Variants in LYSMD3 observed in about 807,000 individuals in gnomAD.
LYSMD3 encodes lysM and putative peptidoglycan-binding domain-containing protein 3.
LYSMD3 carries 13 observed loss-of-function variants against 26.1 expected under a neutral mutation model. The ratio of observed to expected loss-of-function variants is 0.50; its 90% CI spans 0.32 to 0.79. The LOEUF (loss-of-function observed/expected upper bound fraction) is 0.79, where lower values mean the gene tolerates loss of function less well. Among genes scored for constraint, LYSMD3 ranks in the 30% least tolerant of loss-of-function variants. The pLI, the probability that LYSMD3 is intolerant of heterozygous loss-of-function variation, is 0.03. For synonymous variants in LYSMD3, 109 were observed against 119.4 expected (o/e 0.91, Z 0.57); for missense variants, 331 against 362.5 (o/e 0.91, Z 0.71).
rs777183250 is a variant in LYSMD3, at chr5:90,518,772, A to G, written c.*47T>C. 2 of 1,482,300 alleles carry G rather than the reference A, an allele frequency of 1.3e-6. No homozygotes were observed. The highest frequency in any genetic ancestry group is 2.3e-5 in the East Asian group (1 of 43,064). 91.8% of individuals were successfully genotyped at this position (1,482,300 alleles called of 1,614,324 possible). On this transcript the variant is annotated 3_prime_UTR_variant, in exon 3 of 3. Coordinates refer to ENST00000315948, the MANE Select transcript of LYSMD3 (RefSeq NM_198273.2). ...TTATTGGATATAACTGATTCACCACATTCCAGATGCACATGTGACCACTAA... is the reference window on the plus strand; with the variant it reads ...TTATTGGATATAACTGATTCACCACGTTCCAGATGCACATGTGACCACTAA...
chr5:90,519,955 G>A (rs1188487190), intron 2 of LYSMD3, among the ~76,000 whole-genome samples: 2 of 151,568 alleles, frequency 1.3e-5, no homozygotes, highest in East Asian at 3.9e-4. Context: ...ATTATTTTAT[G>A]TATATCTAGG....
In LYSMD3 at chr5:90,518,804, A is replaced by C. The variant is rs149579071; in HGVS notation, c.*15T>G. 3 of 1,601,324 alleles carry C rather than the reference A, an allele frequency of 1.9e-6. No individual in the cohort carries two copies. In the African/African-American group the frequency reaches 4.0e-5, roughly 21 times the overall value. ...ATGCACATGTGACCACTAACATTTGATTATGAGCTAATTGCTATGTTTCCT... is the reference window on the plus strand; with the variant it reads ...ATGCACATGTGACCACTAACATTTGCTTATGAGCTAATTGCTATGTTTCCT... On this transcript the variant is annotated 3_prime_UTR_variant, in exon 3 of 3. Transcript: ENST00000315948.
rs368020713 is a variant in LYSMD3 at position 90,519,237 on chromosome 5, A to C, written c.503T>G (p.Ile168Arg). Residue 168 changes from isoleucine (I) to arginine (R), a missense_variant, in exon 3 of 3, where the codon ATA (isoleucine) becomes AGA (arginine). By Grantham distance (97) the Ile-to-Arg change is moderately conservative. Coordinates refer to ENST00000315948, the MANE Select transcript of LYSMD3 (RefSeq NM_198273.2). Reference sequence around the variant, plus strand: ...GTCTGTACACTTTACTATTTGTTCTATGTCTCGGTCTACTTCTTTTAAAAA... The same window carrying C: ...GTCTGTACACTTTACTATTTGTTCTCTGTCTCGGTCTACTTCTTTTAAAAA... ...GSFLKEVDRD[I>R]EQIVKCTDNK... 5.6e-6 allele frequency: 9 copies of C among 1,613,890 alleles called. No homozygotes were observed. The highest frequency in any genetic ancestry group is 7.6e-6 in the Non-Finnish European group (9 of 1,179,964).
intron 1 of LYSMD3, among the ~76,000 whole-genome samples, chr5:90,525,506 G>A (rs1023368271): frequency 8.5e-5 from 13 of 152,144 alleles, no homozygotes; most frequent in African/African-American, 3.1e-4. Flanking sequence ...CTGGAGTGCA[G>A]TAGTGCGATC....
chr5:90,525,052 G>C lies in LYSMD3; in HGVS notation c.238C>G (p.Leu80Val). 1 of 1,606,946 alleles carries C rather than the reference G, an allele frequency of 6.2e-7. No homozygotes were observed. Residue 80 changes from leucine to valine, a missense_variant, in exon 2 of 3, where the codon CTT becomes GTT. Physicochemically the swap from Leu to Val is conservative, Grantham distance 32 (BLOSUM62 1). This residue lies in a region of LYSMD3 where 262 missense variants were observed against 267.3 expected (regional missense o/e 0.98). Transcript: ENST00000315948. ...QEGDTLNAIALQYCCTVADIK... is the reference protein window; with the variant it reads ...QEGDTLNAIAVQYCCTVADIK... ...AAACTTACCGTACAACAGTACTGAAGGGCTATTGCATTTAATGTATCTCCT... is the reference window on the plus strand; with the variant it reads ...AAACTTACCGTACAACAGTACTGAACGGCTATTGCATTTAATGTATCTCCT...
At chr5:90,521,079 G>A (rs1753078929) in intron 2 of LYSMD3, among the ~76,000 whole-genome samples, 1 of 152,134 alleles carries the variant, frequency 6.6e-6, no homozygotes, top group South Asian at 2.1e-4. Flanking sequence ...CGAATGGCCA[G>A]GAAGGGAATA....
intron 1 of LYSMD3, among the ~76,000 whole-genome samples, chr5:90,527,768 G>A (rs909053845): frequency 1.3e-5 from 2 of 152,048 alleles, no homozygotes; most frequent in Non-Finnish European, 2.9e-5. Context: ...TTCAGGTAAG[G>A]ACTACCCAAC....
At chr5:90,524,559 A>G (rs532428171) in intron 2 of LYSMD3, among the ~76,000 whole-genome samples, 1 of 152,384 alleles carries the variant, frequency 6.6e-6, no homozygotes, top group African/African-American at 2.4e-5. Flanking sequence ...AAATATTTAA[A>G]AAGTAAACAT....
At chr5:90,523,506 ATACTT>A (rs1328871418) in intron 2 of LYSMD3, among the ~76,000 whole-genome samples, 1 of 152,018 alleles carries the variant, frequency 6.6e-6, no homozygotes, top group African/African-American at 2.4e-5. Context: ...AAGTATAAAA[ATACTT>A]TACATCATGA....
rs911675160 is a variant in LYSMD3 at position 90,518,686 on chromosome 5, G to T, written c.*133C>A. 2.2e-6 allele frequency: 2 copies of T among 909,826 alleles called. No individual in the cohort carries two copies. The highest frequency in any genetic ancestry group is 3.2e-6 in the Non-Finnish European group (2 of 620,092). The allele number at this position is 909,826 out of a possible 1,614,324, so 56.4% of individuals were successfully genotyped here. On this transcript the variant is annotated 3_prime_UTR_variant, in exon 3 of 3. Coordinates refer to ENST00000315948, the MANE Select transcript of LYSMD3 (RefSeq NM_198273.2). ...GTTGCTCAAAAAATTTTCAAAGTGT[G>T]AAACCCTTTTGTTAAAAACAAAAGC...
In LYSMD3 at chr5:90,517,368, C is replaced by T. The variant is rs1311141251; in HGVS notation, c.*1451G>A. On this transcript the variant is annotated 3_prime_UTR_variant, in exon 3 of 3. Coordinates refer to ENST00000315948, the MANE Select transcript of LYSMD3 (RefSeq NM_198273.2). ...AAACATCAACAATTAGGAAATAATGCCCAGAAAATGAGGTGGTATTATATA... is the reference window on the plus strand; with the variant it reads ...AAACATCAACAATTAGGAAATAATGTCCAGAAAATGAGGTGGTATTATATA... 6.6e-6 allele frequency: 1 copy of T among 151,786 alleles called. No individual in the cohort carries two copies. The highest frequency in any genetic ancestry group is 2.4e-5 in the African/African-American group (1 of 41,352). 9.4% of individuals were successfully genotyped at this position (151,786 alleles called of 1,614,324 possible).
At chr5:90,524,033 A>G (rs1057253052) in intron 2 of LYSMD3, among the ~76,000 whole-genome samples, 7 of 152,338 alleles carry the variant, frequency 4.6e-5, no homozygotes, top group Non-Finnish European at 8.8e-5. Context: ...TTTAGGATCT[A>G]TCCCACAGAA....
rs763199395 is a variant in LYSMD3 at position 90,525,036 on chromosome 5, G to A, written c.254C>T (p.Thr85Met). The change falls in exon 2 of 3, where the codon ACG becomes ATG. Residue 85 changes from threonine to methionine, a missense_variant and splice_region_variant. Physicochemically the swap from Thr to Met is moderately conservative, Grantham distance 81. Around this residue, in one of 3 missense-constraint regions of LYSMD3, gnomAD observed 262 missense variants for 267.3 expected, o/e 0.98. Coordinates refer to ENST00000315948, the MANE Select transcript of LYSMD3 (RefSeq NM_198273.2). ...LNAIALQYCC[T>M]VADIKRVNNL... ...GCATTATGTAATATTAAAACTTACCGTACAACAGTACTGAAGGGCTATTGC... is the reference window on the plus strand; with the variant it reads ...GCATTATGTAATATTAAAACTTACCATACAACAGTACTGAAGGGCTATTGC... 16 of 1,585,802 alleles carry A rather than the reference G, an allele frequency of 1.0e-5. No homozygotes were observed. Among genetic ancestry groups the A allele is most frequent in the South Asian group, 5.7e-5 (5 of 87,308 alleles).
intron 2 of LYSMD3, among the ~76,000 whole-genome samples, chr5:90,522,929 T>C (rs986050517): frequency 1.3e-5 from 2 of 152,222 alleles, no homozygotes; most frequent in Non-Finnish European, 2.9e-5. Context: ...TCAGATGGTA[T>C]GTTAAATTTC....
chr5:90,524,927 A>C, intron 2 of LYSMD3, 108 bp downstream of exon 2: 5 of 1,111,396 alleles, frequency 4.5e-6, no homozygotes, highest in Non-Finnish European at 6.3e-6. Flanking sequence ...AAATAAGAGC[A>C]AAAAATGGAG....
chr5:90,525,225 T>C lies in LYSMD3; in HGVS notation c.65A>G (p.His22Arg), dbSNP rs1382938399. ...ACTGTCTGAACAATTTCCAAATGCA[T>C]GTACTTGACCACTTGACTGAACTCC... is the stretch of plus-strand genomic sequence containing the variant. The part of the protein sequence containing the change: ...LPGVQSSGQV[H>R]AFGNCSDSDI... The change falls in exon 2 of 3, where the codon CAT becomes CGT. Residue 22 changes from histidine to arginine, a missense_variant. Around this residue, in one of 3 missense-constraint regions of LYSMD3, gnomAD observed 262 missense variants for 267.3 expected, o/e 0.98. Coordinates refer to ENST00000315948, the MANE Select transcript of LYSMD3 (RefSeq NM_198273.2). 2 of 1,614,002 alleles carry C rather than the reference T, an allele frequency of 1.2e-6. No homozygotes were observed. The highest frequency in any genetic ancestry group is 1.7e-6 in the Non-Finnish European group (2 of 1,179,964).
intron 1 of LYSMD3, among the ~76,000 whole-genome samples, chr5:90,528,343 C>T (rs563201102): frequency 1.3e-5 from 2 of 152,262 alleles, no homozygotes; most frequent in South Asian, 2.1e-4. Flanking sequence ...ACAGTTTCAC[C>T]CTAATAATTT....
At chr5:90,526,904 G>A (rs778870351) in intron 1 of LYSMD3, 7 of 152,156 alleles carry the variant, frequency 4.6e-5, no homozygotes, top group Non-Finnish European at 7.4e-5. Context: ...ATGAATTTGT[G>A]AGTACATATA....
chr5:90,529,486 C>T lies in LYSMD3; in HGVS notation c.-50G>A. The T allele has an allele frequency of 2.2e-6, 1 of 456,642 alleles. No homozygotes were observed. Among genetic ancestry groups the T allele is most frequent in the Non-Finnish European group, 4.4e-6 (1 of 226,956 alleles). The allele number at this position is 456,642 out of a possible 1,614,324, so 28.3% of individuals were successfully genotyped here. A position where few individuals can be genotyped will look rare whatever the true frequency, so the allele number is the denominator to read the frequency against. ...CAGGGAGCACTCTGCGAGAAGATGG[C>T]CAAAAGGTCCGCCGCCGCCGCTGTC... On this transcript the variant is annotated 5_prime_UTR_variant, in exon 1 of 3. Transcript: ENST00000315948.
Sources: gnomAD v4.1 joint callset for allele counts (sites outside exome capture counted in the v4.1 genomes callset) on GRCh38, gnomAD v4.1.1 for gene constraint, gnomAD v4.1.1 regional missense constraint, MANE v1.5 for transcripts, NCBI Gene and HGNC (gene_info 2026-07-23, HGNC 2026-07-21) for gene names.